Variants in LRRC7 observed in about 807,000 individuals in gnomAD.
The protein encoded by LRRC7 is leucine rich repeat containing 7.
Under a neutral mutation model 175.7 loss-of-function variants are expected in LRRC7, and 23 were observed. That is an observed-to-expected ratio of 0.13 (90% confidence interval 0.09 to 0.19). The LOEUF (loss-of-function observed/expected upper bound fraction) is 0.19. Ranked by LOEUF, LRRC7 falls within the 10% of genes least tolerant of loss-of-function variation. LRRC7 has a pLI of 1.00. For synonymous variants in LRRC7, 685 were observed against 680.9 expected, an observed-to-expected ratio of 1.01 and a Z score of -0.09; for missense variants, 1,354 against 1,904.7, an observed-to-expected ratio of 0.71 and a Z score of 5.38.
At chr1:69,593,267 G>A (rs1005865074) in intron 1 of LRRC7, among the ~76,000 whole-genome samples, 2 of 151,958 alleles carry the variant, frequency 1.3e-5, no homozygotes, top group East Asian at 1.9e-4. Context: ...AAGCAAATTC[G>A]TGAAAAATAA....
At position 69,883,641 on chromosome 1, in the gene LRRC7, G is replaced by T. The variant is rs1207525483; in HGVS notation, c.647+45358G>T. On this transcript the variant is annotated intron_variant, in intron 7 of 26. Transcript: ENST00000651989. ...TAATTAGATCCCATTTGTCAATTTT[G>T]TCTTTTGTTGCCATTGCTTTTGGTG... Among the ~76,000 whole-genome samples, 6 of 99,364 alleles carry T rather than the reference G, an allele frequency of 6.0e-5. 2 individuals carry two copies. The highest frequency in any genetic ancestry group is 1.3e-4 in the Non-Finnish European group (6 of 46,754). The allele number at this position is 99,364 out of a possible 152,430, so 65.2% of individuals were successfully genotyped here.
At chr1:70,009,131 A>T (rs1656251717) in intron 11 of LRRC7, among the ~76,000 whole-genome samples, 1 of 151,860 alleles carries the variant, frequency 6.6e-6, no homozygotes, top group African/African-American at 2.4e-5. Context: ...AAAGAGAGAA[A>T]CCTTAATTAT....
rs768042366 is a variant in LRRC7 at position 70,021,142 on chromosome 1, G to C, written c.1545+13G>C. ...TGGGAAAGTTAAGGTGAACCTTTTA[G>C]CTTTTGTTTCCTCTTTCTTCTCCTT... On this transcript the variant is annotated intron_variant, in intron 16 of 26. Transcript: ENST00000651989. 3.7e-6 allele frequency: 6 copies of C among 1,605,110 alleles called. No individual in the cohort carries two copies. Among genetic ancestry groups the C allele is most frequent in the Non-Finnish European group, 5.1e-6 (6 of 1,175,666 alleles).
intron 8 of LRRC7, among the ~76,000 whole-genome samples, chr1:69,957,468 GA>G (rs1029705752): frequency 6.6e-6 from 1 of 151,842 alleles, no homozygotes; most frequent in African/African-American, 2.4e-5. Context: ...CTCATTTGAT[GA>G]AATGCTCACT....
intron 17 of LRRC7, among the ~76,000 whole-genome samples, chr1:70,027,452 A>C (rs1237050973): frequency 6.6e-6 from 1 of 152,180 alleles, no homozygotes; most frequent in East Asian, 1.9e-4. Flanking sequence ...CTGGATAGAT[A>C]AAAGCCAAAT....
chr1:70,061,492 C>G (rs1001743291), intron 23 of LRRC7, among the ~76,000 whole-genome samples: 1 of 151,930 alleles, frequency 6.6e-6, no homozygotes, highest in Non-Finnish European at 1.5e-5. Flanking sequence ...GAGACAGCAG[C>G]CAAATGCATT....
chr1:69,906,102 G>T (rs917735734), intron 7 of LRRC7, among the ~76,000 whole-genome samples: 19 of 152,256 alleles, frequency 1.2e-4, no homozygotes, highest in Admixed American at 3.3e-4. Flanking sequence ...TTTTGATGGG[G>T]TTGTTTGTTT....
intron 11 of LRRC7, among the ~76,000 whole-genome samples, chr1:70,003,108 TG>T (rs1474200421): frequency 1.7e-4 from 26 of 152,072 alleles, no homozygotes; most frequent in Non-Finnish European, 3.4e-4. Flanking sequence ...TCTCTTGGCT[TG>T]TAGGCGACCA....
intron 25 of LRRC7, among the ~76,000 whole-genome samples, chr1:70,106,213 G>A (rs1040852237): frequency 1.3e-5 from 2 of 152,074 alleles, no homozygotes; most frequent in Non-Finnish European, 2.9e-5. Context: ...TGATTTTTAT[G>A]TGTTCAGAGT....
intron 7 of LRRC7, among the ~76,000 whole-genome samples, chr1:69,898,775 G>T (rs532981872): frequency 6.6e-6 from 1 of 152,154 alleles, no homozygotes; most frequent in Non-Finnish European, 1.5e-5. Context: ...GACTTGTATC[G>T]CCTGAGCGCC....
At chr1:69,671,413 A>G (rs764262316) in intron 1 of LRRC7, among the ~76,000 whole-genome samples, 1 of 152,104 alleles carries the variant, frequency 6.6e-6, no homozygotes, top group Non-Finnish European at 1.5e-5. Flanking sequence ...CTCCTCAAGC[A>G]GGAGGAAGGA....
chr1:69,953,543 A>G (rs1000463763), intron 8 of LRRC7, among the ~76,000 whole-genome samples: 3 of 152,044 alleles, frequency 2.0e-5, no homozygotes, highest in Non-Finnish European at 2.9e-5. Context: ...AACAGATTCT[A>G]ACCTTTGGGA....
chr1:69,712,291 A>C (rs552323230), intron 2 of LRRC7, among the ~76,000 whole-genome samples: 7 of 151,772 alleles, frequency 4.6e-5, no homozygotes, highest in Admixed American at 3.9e-4. Flanking sequence ...TTAAAATTTA[A>C]TTTTCTAAAG....
chr1:69,812,527 C>T (rs1246989560), intron 4 of LRRC7, among the ~76,000 whole-genome samples: 2 of 152,030 alleles, frequency 1.3e-5, no homozygotes, highest in Non-Finnish European at 2.9e-5. Context: ...TAATATCTGA[C>T]TTGCCTTCTC....
intron 1 of LRRC7, among the ~76,000 whole-genome samples, chr1:69,637,391 C>T (rs1245036): frequency 2.6e-5 from 4 of 151,722 alleles, no homozygotes; most frequent in Non-Finnish European, 5.9e-5. Context: ...GTTAATTCTA[C>T]ATAAATATTT....
Position 70,137,727 on chromosome 1 carries a change from A to C in LRRC7, c.*15840A>C, listed in dbSNP as rs1666926332. 6.6e-6 allele frequency among the ~76,000 whole-genome samples: 1 copy of C among 152,242 alleles called. No individual in the cohort carries two copies. The highest frequency in any genetic ancestry group is 2.4e-5 in the African/African-American group (1 of 41,458). ...GCATGTCATTTAGACAGACAGCTGA[A>C]ATGCTGACATGGCCTATCCAGCCAG... On this transcript the variant is annotated 3_prime_UTR_variant, in exon 27 of 27. Coordinates refer to ENST00000651989, the MANE Select transcript of LRRC7 (RefSeq NM_001370785.2).
At chr1:69,589,178 G>C in intron 1 of LRRC7, among the ~76,000 whole-genome samples, 1 of 151,644 alleles carries the variant, frequency 6.6e-6, no homozygotes, top group East Asian at 1.9e-4. Flanking sequence ...GTGAGAGAGA[G>C]AGACATGCTG....
At chr1:69,916,194 T>TCA (rs1646704699) in intron 7 of LRRC7, among the ~76,000 whole-genome samples, 1 of 130,670 alleles carries the variant, frequency 7.7e-6, no homozygotes, top group African/African-American at 2.9e-5. Context: ...CATACATATT[T>TCA]TATATATAAA....
At chr1:69,742,879 A>G (rs1268319311) in intron 2 of LRRC7, among the ~76,000 whole-genome samples, 2 of 152,014 alleles carry the variant, frequency 1.3e-5, no homozygotes, top group Non-Finnish European at 2.9e-5. Flanking sequence ...CAGAACAGAA[A>G]AGAATTTCTG....
Sources: allele counts gnomAD v4.1 joint callset (sites outside exome capture counted in the v4.1 genomes callset), GRCh38; gene constraint gnomAD v4.1.1; transcripts MANE v1.5; gene names NCBI Gene and HGNC (gene_info 2026-07-23, HGNC 2026-07-21).